AKAP19: variants seen among roughly 807,000 people sequenced by gnomAD.
AKAP19 encodes the protein A-kinase anchoring protein 19.
At chr2:190,034,710 G>C in the AKAP19 span, among the ~76,000 whole-genome samples, 27 of 151,572 alleles carry the variant, frequency 1.8e-4, no homozygotes, top group East Asian at 2.9e-3. Flanking sequence ...GCCGGGCATG[G>C]TGGCGCATGC....
the AKAP19 span, among the ~76,000 whole-genome samples, chr2:189,977,293 T>C: frequency 2.0e-5 from 3 of 151,906 alleles, no homozygotes; most frequent in Admixed American, 6.5e-5. Flanking sequence ...GTAAGTAACA[T>C]AGCCACTCTC....
At chr2:190,159,657 A>G in the AKAP19 span, among the ~76,000 whole-genome samples, 1 of 152,150 alleles carries the variant, frequency 6.6e-6, no homozygotes, top group Non-Finnish European at 1.5e-5. Flanking sequence ...ACATTCTTCT[A>G]GCCAACATGA....
chr2:190,187,882 A>G, the AKAP19 span, among the ~76,000 whole-genome samples: 1 of 152,126 alleles, frequency 6.6e-6, no homozygotes, highest in Admixed American at 6.6e-5. Context: ...AGCTGCAGTA[A>G]ATCACATTTT....
chr2:190,136,078 G>A, the AKAP19 span, among the ~76,000 whole-genome samples: 29 of 152,232 alleles, frequency 1.9e-4, no homozygotes, highest in Admixed American at 9.2e-4. Flanking sequence ...TTCCTTCTAA[G>A]GAACCAGCAA....
At chr2:189,974,550 C>T in the AKAP19 span, among the ~76,000 whole-genome samples, 16 of 152,210 alleles carry the variant, frequency 1.1e-4, no homozygotes, top group Middle Eastern at 6.8e-3. Flanking sequence ...CTTTCTGTTT[C>T]GTTGATCTGT....
the AKAP19 span, among the ~76,000 whole-genome samples, chr2:189,927,570 T>G: frequency 6.6e-6 from 1 of 152,220 alleles, no homozygotes; most frequent in African/African-American, 2.4e-5. Flanking sequence ...AATATTAACG[T>G]TTTACCACAT....
chr2:189,952,335 C>T, the AKAP19 span, among the ~76,000 whole-genome samples: 14 of 152,308 alleles, frequency 9.2e-5, no homozygotes, highest in Non-Finnish European at 1.6e-4. Context: ...GGGCTTATTT[C>T]GTCTCCTGCC....
At chr2:190,097,224 C>G in the AKAP19 span, among the ~76,000 whole-genome samples, 24 of 152,244 alleles carry the variant, frequency 1.6e-4, no homozygotes, top group Non-Finnish European at 1.2e-4. Context: ...TCTCCCTCCC[C>G]CTAACCCCTA....
the AKAP19 span, among the ~76,000 whole-genome samples, chr2:190,038,480 T>C: frequency 6.6e-6 from 1 of 152,314 alleles, no homozygotes; most frequent in Admixed American, 6.5e-5. Context: ...GGAATTCTCG[T>C]AGAGCTTTCT....
the AKAP19 span, among the ~76,000 whole-genome samples, chr2:189,889,534 T>C: frequency 6.6e-6 from 1 of 152,228 alleles, no homozygotes. Flanking sequence ...TCTGGTAGAA[T>C]TCGGCTGTGA....
At chr2:189,986,361 G>A in the AKAP19 span, among the ~76,000 whole-genome samples, 97 of 58,252 alleles carry the variant, frequency 1.7e-3, no homozygotes, top group African/African-American at 5.3e-3. Flanking sequence ...TGTAAGGGAT[G>A]GGGGAGCAAA....
chr2:190,029,830 C>A, the AKAP19 span, among the ~76,000 whole-genome samples: 6 of 151,972 alleles, frequency 3.9e-5, no homozygotes, highest in African/African-American at 1.2e-4. Context: ...ACGTACACAC[C>A]CATGCATACA....
chr2:189,907,229 T>C, the AKAP19 span, among the ~76,000 whole-genome samples: 2 of 152,122 alleles, frequency 1.3e-5, no homozygotes, highest in Non-Finnish European at 2.9e-5. Context: ...TATATATGGG[T>C]CCCACTCCCC....
chr2:190,034,922 AAGT>A, the AKAP19 span, among the ~76,000 whole-genome samples: 1 of 151,858 alleles, frequency 6.6e-6, no homozygotes, highest in Non-Finnish European at 1.5e-5. Context: ...AAGTATTCAA[AAGT>A]AGAGAGAATA....
chr2:189,932,084 G>A, the AKAP19 span, among the ~76,000 whole-genome samples: 7 of 152,142 alleles, frequency 4.6e-5, no homozygotes, highest in Non-Finnish European at 1.0e-4. Flanking sequence ...GCTTTCTTAT[G>A]TGATGAGCAG....
the AKAP19 span, among the ~76,000 whole-genome samples, chr2:189,891,627 G>C: frequency 1.3e-5 from 2 of 151,982 alleles, no homozygotes; most frequent in Non-Finnish European, 2.9e-5. Context: ...GCTTCCCTTT[G>C]TGGGTAACCC....
At chr2:190,193,345 CT>C in the AKAP19 span, among the ~76,000 whole-genome samples, 205 of 152,146 alleles carry the variant, frequency 1.3e-3, no homozygotes, top group African/African-American at 4.8e-3. Flanking sequence ...AATTTGCCAA[CT>C]TCTGGGTCTA....
chr2:190,026,198 A>G, the AKAP19 span, among the ~76,000 whole-genome samples: 1 of 152,208 alleles, frequency 6.6e-6, no homozygotes, highest in Admixed American at 6.5e-5. Context: ...GGTAAACTAC[A>G]GCATGTGGGC....
chr2:190,077,597 A>C, the AKAP19 span, among the ~76,000 whole-genome samples: 4 of 152,154 alleles, frequency 2.6e-5, no homozygotes, highest in Admixed American at 1.3e-4. Flanking sequence ...GCCACCGTGC[A>C]CAGTCATTAT....
Sources: gnomAD v4.1 joint callset for allele counts (sites outside exome capture counted in the v4.1 genomes callset) on GRCh38, gnomAD v4.1.1 for gene constraint, MANE v1.5 for transcripts, NCBI Gene and HGNC (gene_info 2026-07-23, HGNC 2026-07-21) for gene names.